Variants in MACF1 observed in about 807,000 individuals in gnomAD.
MACF1 encodes microtubule actin crosslinking factor 1, also known as microtubule-actin cross-linking factor 1.
MACF1 carries 193 observed loss-of-function variants against 854.8 expected under a neutral mutation model. That is an observed-to-expected ratio of 0.23 (90% confidence interval 0.20 to 0.25). The LOEUF (loss-of-function observed/expected upper bound fraction) is 0.25, where lower values mean the gene tolerates loss of function less well. Ranked by LOEUF, MACF1 falls within the 10% of genes least tolerant of loss-of-function variation. The pLI is 1.00. For missense variants in MACF1, 7,722 were observed against 8,929.1 expected (o/e 0.86, Z 5.45); for synonymous variants, 3,185 against 3,226.7 (o/e 0.99, Z 0.44).
intron 95 of MACF1, 63 bp downstream of exon 95, chr1:39,465,175 T>G: frequency 6.7e-7 from 1 of 1,502,252 alleles, no homozygotes; most frequent in Non-Finnish European, 9.3e-7. Context: ...TAATGCTGCC[T>G]GTTCTTCGCT....
chr1:39,464,990 GA>G, intron 94 of MACF1, 104 bp from the exon 95 acceptor site: 1 of 1,036,848 alleles, frequency 9.6e-7, no homozygotes. Flanking sequence ...CACTTTGCCA[GA>G]AAAATGTAAT....
chr1:39,240,935 A>T (rs1037140004), intron 2 of MACF1, among the ~76,000 whole-genome samples: 4 of 151,932 alleles, frequency 2.6e-5, no homozygotes, highest in African/African-American at 9.7e-5. Flanking sequence ...AGAACCTCAC[A>T]CTTTGTTCCC....
intron 30 of MACF1, among the ~76,000 whole-genome samples, 175 bp downstream of exon 30, chr1:39,318,790 A>G (rs1646460314): frequency 6.6e-6 from 1 of 152,216 alleles, no homozygotes; most frequent in African/African-American, 2.4e-5. Flanking sequence ...CATTTAGACT[A>G]GAGAACCTGT....
rs1229773082 is a variant in MACF1, at chr1:39,322,705, T to C, written c.4127T>C (p.Ile1376Thr). The C allele has an allele frequency of 6.2e-7, 1 of 1,614,032 alleles. No individual in the cohort carries two copies. The highest frequency in any genetic ancestry group is 8.5e-7 in the Non-Finnish European group (1 of 1,179,932). Residue 1376 changes from isoleucine to threonine, a missense_variant, in exon 32 of 101, where the codon ATC becomes ACC. By Grantham distance (89) the Ile-to-Thr change is moderately conservative. Around this residue, in one of 15 missense-constraint regions of MACF1, gnomAD observed 1,137 missense variants for 1,263.0 expected, o/e 0.90. Transcript: ENST00000564288. ...RRRMLSSSDA[I>T]TQEFMDLRTR... Reference sequence around the variant, plus strand: ...CGCATGCTTTCCTCTTCAGATGCCATCACTCAAGAGGTGAGAGGGTGGGGG... The same window carrying C: ...CGCATGCTTTCCTCTTCAGATGCCACCACTCAAGAGGTGAGAGGGTGGGGG...
chr1:39,426,310 T>C (rs754466122), intron 61 of MACF1, among the ~76,000 whole-genome samples: 2 of 152,220 alleles, frequency 1.3e-5, no homozygotes, highest in Non-Finnish European at 2.9e-5. Flanking sequence ...ACTTTTTTTA[T>C]TTAAACCACT....
At chr1:39,371,094 G>C (rs993190447) in intron 51 of MACF1, among the ~76,000 whole-genome samples, 3 of 152,042 alleles carry the variant, frequency 2.0e-5, no homozygotes, top group Non-Finnish European at 4.4e-5. Context: ...GCCGAGGCGG[G>C]TGGATCACAA....
intron 99 of MACF1, among the ~76,000 whole-genome samples, chr1:39,482,879 C>T (rs1370665377): frequency 6.7e-6 from 1 of 150,034 alleles, no homozygotes; most frequent in East Asian, 2.0e-4. Context: ...TTTGTGAGGC[C>T]GAGGTGGGCA....
intron 97 of MACF1, among the ~76,000 whole-genome samples, chr1:39,475,468 CAAAAA>C (rs71691475): frequency 8.3e-6 from 1 of 121,188 alleles, no homozygotes; most frequent in Non-Finnish European, 1.7e-5. Flanking sequence ...GACCCTGTCT[CAAAAA>C]AAAAAAAAAA....
intron 2 of MACF1, among the ~76,000 whole-genome samples, chr1:39,139,724 T>C (rs536371099): frequency 6.4e-4 from 97 of 152,342 alleles, no homozygotes; most frequent in African/African-American, 2.3e-3. Context: ...AGATACAAGT[T>C]ATATCATCTT....
At chr1:39,340,463 AGTCTT>A (rs764561866) in intron 38 of MACF1, 34 bp from the exon 39 acceptor site, 7 of 1,448,858 alleles carry the variant, frequency 4.8e-6, no homozygotes, top group Non-Finnish European at 3.8e-6. Context: ...GAGGGTTTCT[AGTCTT>A]GCTTTTATAG....
At chr1:39,188,739 G>C (rs1644209738) in intron 2 of MACF1, among the ~76,000 whole-genome samples, 1 of 152,200 alleles carries the variant, frequency 6.6e-6, no homozygotes, top group Non-Finnish European at 1.5e-5. Context: ...CAAGTAGCTG[G>C]GATTACAGGT....
At chr1:39,233,735 G>T (rs1644812860) in intron 2 of MACF1, among the ~76,000 whole-genome samples, 1 of 140,674 alleles carries the variant, frequency 7.1e-6, no homozygotes. Context: ...AAGTGTCATG[G>T]TGTATTTTAC....
At chr1:39,163,544 G>A (rs2148211950) in intron 2 of MACF1, among the ~76,000 whole-genome samples, 1 of 152,238 alleles carries the variant, frequency 6.6e-6, no homozygotes, top group Non-Finnish European at 1.5e-5. Flanking sequence ...GGGGTTCCAG[G>A]TATTTTGAAC....
intron 35 of MACF1, among the ~76,000 whole-genome samples, chr1:39,326,389 G>A (rs928969672): frequency 2.6e-5 from 4 of 152,106 alleles, no homozygotes; most frequent in Non-Finnish European, 5.9e-5. Flanking sequence ...TCTAAGAAAG[G>A]GTCTAAAGCG....
chr1:39,398,690 G>T (rs1248789520), intron 58 of MACF1, among the ~76,000 whole-genome samples: 1 of 152,136 alleles, frequency 6.6e-6, no homozygotes, highest in Non-Finnish European at 1.5e-5. Context: ...AATTAGTTAA[G>T]AAATAGTGTT....
chr1:39,099,923 T>G (rs905502090), intron 2 of MACF1, among the ~76,000 whole-genome samples: 1 of 152,094 alleles, frequency 6.6e-6, no homozygotes, highest in African/African-American at 2.4e-5. Context: ...CTATAAAAAA[T>G]TTTTTTAAAA....
chr1:39,172,581 TCA>T (rs1193451371), intron 2 of MACF1, among the ~76,000 whole-genome samples: 1 of 152,310 alleles, frequency 6.6e-6, no homozygotes, highest in East Asian at 1.9e-4. Context: ...TAGATACTAA[TCA>T]CACATTAATT....
intron 2 of MACF1, among the ~76,000 whole-genome samples, chr1:39,102,004 G>A (rs1291527280): frequency 6.8e-6 from 1 of 146,656 alleles, no homozygotes; most frequent in South Asian, 2.2e-4. Flanking sequence ...GTGAAACCCC[G>A]TCTCTACTAA....
At chr1:39,282,466 A>G in intron 7 of MACF1, 92 bp downstream of exon 7, 1 of 1,306,292 alleles carries the variant, frequency 7.7e-7, no homozygotes, top group Admixed American at 2.5e-5. Flanking sequence ...TCCTCAATCA[A>G]AAATCAAAGC....
Sources: gnomAD v4.1 joint callset for allele counts (sites outside exome capture counted in the v4.1 genomes callset) on GRCh38, gnomAD v4.1.1 for gene constraint, gnomAD v4.1.1 regional missense constraint, MANE v1.5 for transcripts, NCBI Gene and HGNC (gene_info 2026-07-23, HGNC 2026-07-21) for gene names.